SLC35D4: variants seen among roughly 807,000 people sequenced by gnomAD.
The protein encoded by SLC35D4 is solute carrier family 35 member D4, also known as UDP-N-acetylglucosamine transporter SLC35D4.
At chr18:23,283,086 T>C in the SLC35D4 span, among the ~76,000 whole-genome samples, 1 of 152,102 alleles carries the variant, frequency 6.6e-6, no homozygotes, top group African/African-American at 2.4e-5. Flanking sequence ...AAACAGAGAT[T>C]GTAATGTTAC....
chr18:23,243,468 G>GTTTTTTT, the SLC35D4 span, among the ~76,000 whole-genome samples: 2 of 101,878 alleles, frequency 2.0e-5, no homozygotes, highest in African/African-American at 7.3e-5. Context: ...TGGGTTTGGT[G>GTTTTTTT]TTTTTTTTTT....
At chr18:23,276,456 A>T in the SLC35D4 span, among the ~76,000 whole-genome samples, 1 of 149,992 alleles carries the variant, frequency 6.7e-6, no homozygotes, top group South Asian at 2.1e-4. Context: ...TAGAAAAAGG[A>T]AGAAAGGACT....
At chr18:23,385,259 T>C in the SLC35D4 span, among the ~76,000 whole-genome samples, 1 of 152,124 alleles carries the variant, frequency 6.6e-6, no homozygotes, top group African/African-American at 2.4e-5. Flanking sequence ...GATGTAGAGG[T>C]TCCCCTCCTA....
the SLC35D4 span, among the ~76,000 whole-genome samples, chr18:23,397,588 A>T: frequency 6.6e-6 from 1 of 152,222 alleles, no homozygotes; most frequent in Non-Finnish European, 1.5e-5. Flanking sequence ...CTTTTCAGTT[A>T]TATGAACTGG....
chr18:23,372,613 G>C, the SLC35D4 span, among the ~76,000 whole-genome samples: 1 of 152,228 alleles, frequency 6.6e-6, no homozygotes, highest in Non-Finnish European at 1.5e-5. Context: ...ATAAGGCACA[G>C]AAAGCATTGG....
chr18:23,384,981 A>T, the SLC35D4 span: 22 of 1,612,920 alleles, frequency 1.4e-5, no homozygotes, highest in East Asian at 1.1e-4. Flanking sequence ...ATTTTGCATG[A>T]TCGTTTACCT....
At chr18:23,437,422 G>A in the SLC35D4 span, among the ~76,000 whole-genome samples, 1 of 152,132 alleles carries the variant, frequency 6.6e-6, no homozygotes, top group Non-Finnish European at 1.5e-5. Flanking sequence ...TAGAAAAAAG[G>A]CAGGATGTGT....
the SLC35D4 span, chr18:23,377,822 T>C: frequency 1.5e-6 from 1 of 651,168 alleles, no homozygotes; most frequent in Non-Finnish European, 2.3e-6. Flanking sequence ...ATTGAGGCTT[T>C]TTCTGCTTGG....
chr18:23,248,905 T>G, the SLC35D4 span, among the ~76,000 whole-genome samples: 1 of 152,224 alleles, frequency 6.6e-6, no homozygotes, highest in African/African-American at 2.4e-5. Context: ...ATAACCTAAG[T>G]TGGCATTTCA....
chr18:23,371,010 G>A, the SLC35D4 span, among the ~76,000 whole-genome samples: 17 of 151,738 alleles, frequency 1.1e-4, no homozygotes, highest in Non-Finnish European at 2.9e-5. Context: ...CCAAAAAGTG[G>A]GTATACAATA....
the SLC35D4 span, chr18:23,258,660 T>C: frequency 6.6e-6 from 1 of 152,260 alleles, no homozygotes; most frequent in Admixed American, 6.5e-5. Context: ...TGTATACCTG[T>C]ATGCGTTTGT....
the SLC35D4 span, among the ~76,000 whole-genome samples, chr18:23,304,416 TATA>T: frequency 1.4e-5 from 2 of 147,824 alleles, no homozygotes; most frequent in South Asian, 2.1e-4. Flanking sequence ...ATATAATTCA[TATA>T]ATAAAATGTA....
chr18:23,261,040 C>G, the SLC35D4 span, among the ~76,000 whole-genome samples: 5 of 152,144 alleles, frequency 3.3e-5, no homozygotes, highest in South Asian at 8.3e-4. Flanking sequence ...CTTTAGACTT[C>G]GAAATAGGTA....
At chr18:23,302,527 T>A in the SLC35D4 span, among the ~76,000 whole-genome samples, 2 of 152,098 alleles carry the variant, frequency 1.3e-5, no homozygotes, top group Non-Finnish European at 2.9e-5. Flanking sequence ...GTGCTTTGGG[T>A]GAGAAGCCCT....
chr18:23,324,573 C>T, the SLC35D4 span, among the ~76,000 whole-genome samples: 1 of 152,216 alleles, frequency 6.6e-6, no homozygotes, highest in Non-Finnish European at 1.5e-5. Context: ...AAGGCGAGAT[C>T]TGCCCTCGCA....
At chr18:23,284,649 C>T in the SLC35D4 span, among the ~76,000 whole-genome samples, 2 of 152,234 alleles carry the variant, frequency 1.3e-5, no homozygotes, top group South Asian at 4.1e-4. Context: ...CTTGAGGCTG[C>T]TCCCAAGGCC....
chr18:23,254,663 T>A, the SLC35D4 span, among the ~76,000 whole-genome samples: 1 of 152,194 alleles, frequency 6.6e-6, no homozygotes, highest in African/African-American at 2.4e-5. Context: ...GTTGCTTCAG[T>A]TCTGGTGAGG....
chr18:23,257,601 C>G, the SLC35D4 span: 2 of 446,046 alleles, frequency 4.5e-6, no homozygotes, highest in Non-Finnish European at 7.8e-6. Flanking sequence ...GTGCTGAGAA[C>G]AGAGAGGCCC....
chr18:23,338,456 T>G, the SLC35D4 span, among the ~76,000 whole-genome samples: 1 of 152,164 alleles, frequency 6.6e-6, no homozygotes, highest in Non-Finnish European at 1.5e-5. Flanking sequence ...TCTAGGGCTC[T>G]CTACATATTA....
Sources: allele counts gnomAD v4.1 joint callset (sites outside exome capture counted in the v4.1 genomes callset), GRCh38; gene constraint gnomAD v4.1.1; transcripts MANE v1.5; gene names NCBI Gene and HGNC (gene_info 2026-07-23, HGNC 2026-07-21).